Variants in NPAS3 observed in about 807,000 individuals in gnomAD.
NPAS3 encodes neuronal PAS domain protein 3, also known as neuronal PAS domain-containing protein 3.
Under a neutral mutation model 73.1 loss-of-function variants are expected in NPAS3, and 14 were observed. The observed-to-expected ratio is 0.19, with a 90% CI of 0.13 to 0.30. The LOEUF (loss-of-function observed/expected upper bound fraction) is 0.30, where lower values mean the gene tolerates loss of function less well. Among genes scored for constraint, NPAS3 ranks in the 10% least tolerant of loss-of-function variants. The pLI is 1.00. For synonymous variants in NPAS3, 620 were observed against 541.5 expected (o/e 1.14, Z -2.01); for missense variants, 1,096 against 1,250.0 (o/e 0.88, Z 1.86).
At chr14:33,729,121 T>C (rs1407176135) in intron 6 of NPAS3, among the ~76,000 whole-genome samples, 1 of 152,210 alleles carries the variant, frequency 6.6e-6, no homozygotes, top group African/African-American at 2.4e-5. Context: ...ATATCTTTCT[T>C]ACAGTCTTGT....
Position 33,032,272 on chromosome 14 carries a change from G to C in NPAS3, c.51-23633G>C, listed in dbSNP as rs1351512318. ...ATGGGAAGGTTCTGAGCAAGGCAAT[G>C]ACAGATTGGAACTGGGTTTTAGAAA... On this transcript the variant is annotated intron_variant, in intron 1 of 11. Coordinates refer to ENST00000356141, the Ensembl canonical transcript of NPAS3. 2.0e-5 allele frequency among the ~76,000 whole-genome samples: 3 copies of C among 152,310 alleles called. No individual in the cohort carries two copies. In the East Asian group the frequency reaches 5.8e-4, roughly 29 times the overall value.
At chr14:33,051,517 G>T (rs2040711408) in intron 1 of NPAS3, among the ~76,000 whole-genome samples, 1 of 151,888 alleles carries the variant, frequency 6.6e-6, no homozygotes, top group South Asian at 2.1e-4. Context: ...GTCCACATCA[G>T]AACTTTACAG....
Position 33,211,133 on chromosome 14 carries a change from G to A in NPAS3, c.141-4049G>A, listed in dbSNP as rs1044602383. On this transcript the variant is annotated intron_variant, in intron 2 of 11. Transcript: ENST00000356141. ...AAGACTCATTTAACTTAATTCTAAC[G>A]ACAACTTTATAAAGTAGAGTATTAT... 4.6e-5 allele frequency among the ~76,000 whole-genome samples: 7 copies of A among 152,182 alleles called. No individual in the cohort carries two copies. In the East Asian group the frequency reaches 1.2e-3, roughly 25 times the overall value.
At chr14:33,286,483 C>T (rs1594601353) in intron 3 of NPAS3, among the ~76,000 whole-genome samples, 1 of 152,078 alleles carries the variant, frequency 6.6e-6, no homozygotes, top group South Asian at 2.1e-4. Context: ...GTTCATGCCC[C>T]CAAATGCTTT....
intron 4 of NPAS3, among the ~76,000 whole-genome samples, chr14:33,491,853 T>C (rs915023443): frequency 1.3e-5 from 2 of 152,178 alleles, no homozygotes; most frequent in Non-Finnish European, 2.9e-5. Context: ...TGAGTGTGTG[T>C]ATGTGTGTTT....
chr14:33,239,971 C>G (rs1396605832), intron 3 of NPAS3, among the ~76,000 whole-genome samples: 2 of 151,766 alleles, frequency 1.3e-5, no homozygotes, highest in Non-Finnish European at 3.0e-5. Flanking sequence ...TGGCTAAGGG[C>G]CTACTATATT....
At chr14:33,691,103 A>T (rs1345782813) in intron 6 of NPAS3, among the ~76,000 whole-genome samples, 1 of 152,220 alleles carries the variant, frequency 6.6e-6, no homozygotes, top group Non-Finnish European at 1.5e-5. Context: ...AGCACATTTT[A>T]AAAACATAAA....
upstream of NPAS3, chr14:32,939,114 G>GGCCGCC (rs536218835): frequency 1.0e-4 from 15 of 149,274 alleles, no homozygotes; most frequent in African/African-American, 2.5e-4. Context: ...TCAGCAGCAC[G>GGCCGCC]GCCGCCGCCG....
chr14:33,520,450 C>T (rs866573586), intron 4 of NPAS3, among the ~76,000 whole-genome samples: 1 of 152,064 alleles, frequency 6.6e-6, no homozygotes. Flanking sequence ...AAGAACACCA[C>T]ATTTACTGTG....
At chr14:33,735,487 G>A (rs1187064692) in intron 7 of NPAS3, among the ~76,000 whole-genome samples, 155 bp downstream of exon 7, 1 of 152,088 alleles carries the variant, frequency 6.6e-6, no homozygotes, top group Non-Finnish European at 1.5e-5. Flanking sequence ...CAAGGCAGGA[G>A]CTTCTTTACA....
At chr14:32,996,695 T>C (rs1041993607) in intron 1 of NPAS3, among the ~76,000 whole-genome samples, 2 of 152,108 alleles carry the variant, frequency 1.3e-5, no homozygotes, top group Non-Finnish European at 2.9e-5. Flanking sequence ...AAGTCAAGAA[T>C]TGAGGTTTGG....
At chr14:33,242,953 C>A (rs2048258747) in intron 3 of NPAS3, among the ~76,000 whole-genome samples, 3 of 152,042 alleles carry the variant, frequency 2.0e-5, no homozygotes, top group Admixed American at 1.3e-4. Flanking sequence ...TCTCTACAGT[C>A]TATATTTGAA....
intron 3 of NPAS3, among the ~76,000 whole-genome samples, chr14:33,231,727 C>T (rs2047857412): frequency 6.6e-6 from 1 of 152,134 alleles, no homozygotes; most frequent in Admixed American, 6.6e-5. Context: ...GTAGAACTCT[C>T]TTTTAATTAT....
intron 3 of NPAS3, among the ~76,000 whole-genome samples, chr14:33,324,239 G>A (rs771067487): frequency 2.6e-5 from 4 of 152,130 alleles, no homozygotes; most frequent in Non-Finnish European, 4.4e-5. Context: ...CTTTTGTAAC[G>A]CCGGATCTGC....
At chr14:33,425,629 C>T (rs2048526503) in intron 4 of NPAS3, among the ~76,000 whole-genome samples, 3 of 150,956 alleles carry the variant, frequency 2.0e-5, no homozygotes, top group African/African-American at 7.3e-5. Flanking sequence ...CACATGACTT[C>T]ATTTAAAGCA....
At chr14:33,034,532 T>A (rs1303058401) in intron 1 of NPAS3, among the ~76,000 whole-genome samples, 2 of 151,586 alleles carry the variant, frequency 1.3e-5, no homozygotes, top group Non-Finnish European at 2.9e-5. Context: ...AATACATATT[T>A]ATTAATATAT....
At chr14:33,079,874 A>G (rs1329131929) in intron 2 of NPAS3, among the ~76,000 whole-genome samples, 1 of 151,912 alleles carries the variant, frequency 6.6e-6, no homozygotes, top group Non-Finnish European at 1.5e-5. Context: ...AGCCTCCCCA[A>G]GGTGCTGGGA....
chr14:33,800,251 C>A lies in NPAS3; in HGVS notation c.1944C>A (p.Ile648=), dbSNP rs1198850048. The change falls in exon 12 of 12, where the codon ATC becomes ATA. Residue 648 remains isoleucine, a synonymous_variant. Transcript: ENST00000356141. The surrounding 1 kb of genome is among the most constrained non-coding windows in gnomAD (Gnocchi z 6.5). ...CCAACAGTGCCTCGGTGCTCAAGAT[C>A]AAGACGGAGATCTCAGAACCCATCA... 1 of 1,613,312 alleles carries A rather than the reference C, an allele frequency of 6.2e-7. No individual in the cohort carries two copies. The highest frequency in any genetic ancestry group is 8.5e-7 in the Non-Finnish European group (1 of 1,179,666).
intron 4 of NPAS3, among the ~76,000 whole-genome samples, chr14:33,416,394 A>G (rs934025840): frequency 6.6e-6 from 1 of 152,082 alleles, no homozygotes; most frequent in Non-Finnish European, 1.5e-5. Flanking sequence ...TAAAATCCTA[A>G]ACGATAACAC....
Sources: allele counts gnomAD v4.1 joint callset (sites outside exome capture counted in the v4.1 genomes callset), GRCh38; gene constraint gnomAD v4.1.1; non-coding constraint Gnocchi (gnomAD v3.1); transcripts MANE v1.5; gene names NCBI Gene and HGNC (gene_info 2026-07-23, HGNC 2026-07-21).